Variants in AGO3 observed in about 807,000 individuals in gnomAD.
AGO3 encodes protein argonaute-3.
AGO3 carries 16 observed loss-of-function variants against 105.5 expected under a neutral mutation model. That is an observed-to-expected ratio of 0.15 (90% CI 0.10 to 0.23). The LOEUF (loss-of-function observed/expected upper bound fraction) is 0.23. AGO3 is among the 10% of genes least tolerant of loss of function. AGO3 has a pLI of 1.00. For synonymous variants in AGO3, 340 were observed against 367.3 expected, an observed-to-expected ratio of 0.93 and a Z score of 0.85; for missense variants, 534 against 1,088.0, an observed-to-expected ratio of 0.49 and a Z score of 7.16.
At chr1:36,030,039 C>A (rs929476025) in intron 12 of AGO3, among the ~76,000 whole-genome samples, 15 of 151,594 alleles carry the variant, frequency 9.9e-5, no homozygotes, top group Non-Finnish European at 2.9e-5. Flanking sequence ...AAAAGAAAAC[C>A]AATAGAGTGT....
intron 2 of AGO3, among the ~76,000 whole-genome samples, chr1:35,959,126 A>G (rs531052489): frequency 3.1e-4 from 47 of 152,308 alleles, no homozygotes; most frequent in African/African-American, 1.1e-3. Context: ...TTTTTACATT[A>G]AAGTTTCTCT....
At chr1:36,028,396 C>CG (rs1474755057) in intron 12 of AGO3, among the ~76,000 whole-genome samples, 5 of 104,016 alleles carry the variant, frequency 4.8e-5, no homozygotes, top group African/African-American at 1.8e-4. Context: ...ATCCCTCCCC[C>CG]CCCCCCACCC....
At chr1:35,931,885 A>G (rs922523890) in intron 1 of AGO3, among the ~76,000 whole-genome samples, 5 of 152,192 alleles carry the variant, frequency 3.3e-5, no homozygotes, top group African/African-American at 1.2e-4. Context: ...TTAAGTTCGA[A>G]GGAGGTGTTG....
Position 35,941,851 on chromosome 1 carries a change from C to T in AGO3, c.20-3841C>T, listed in dbSNP as rs572022319. On this transcript the variant is annotated intron_variant, in intron 1 of 18. Coordinates refer to ENST00000373191, the MANE Select transcript of AGO3 (RefSeq NM_024852.4). ...CTACCAGAAATACAAAAACTTAGCC[C>T]TGCATGGTGTAAAATAAAAGCACTT... 3.1e-4 allele frequency among the ~76,000 whole-genome samples: 47 copies of T among 152,282 alleles called. 1 individual carries two copies. The highest frequency in any genetic ancestry group is 5.4e-4 in the Non-Finnish European group (37 of 68,022).
At chr1:36,050,664 C>T (rs535220668) in intron 17 of AGO3, among the ~76,000 whole-genome samples, 16 of 147,508 alleles carry the variant, frequency 1.1e-4, no homozygotes, top group Non-Finnish European at 2.1e-4. Context: ...TGGTGGCGGG[C>T]GCCTATAATC....
chr1:35,937,247 C>T (rs961694740), intron 1 of AGO3, among the ~76,000 whole-genome samples: 1 of 152,026 alleles, frequency 6.6e-6, no homozygotes, highest in African/African-American at 2.4e-5. Flanking sequence ...ACTAAAAATA[C>T]AAAAAATTAG....
chr1:35,988,360 C>T (rs1447182973), intron 5 of AGO3, among the ~76,000 whole-genome samples: 1 of 152,060 alleles, frequency 6.6e-6, no homozygotes, highest in Non-Finnish European at 1.5e-5. Flanking sequence ...ATTATAGTCA[C>T]CATGCAGTAC....
chr1:35,993,569 C>A (rs1453232288), intron 5 of AGO3, among the ~76,000 whole-genome samples: 2 of 151,968 alleles, frequency 1.3e-5, no homozygotes, highest in Admixed American at 6.6e-5. Flanking sequence ...GAAAAAGAAG[C>A]CTGAATAGCC....
chr1:36,057,863 G>T lies in AGO3; in HGVS notation c.*2118G>T, dbSNP rs1437648419. ...GTGGTAGTGGGCACCTCTAATCCCAGCTACTCGGGAGGCTGAGGCAGGATT... is the reference window on the plus strand; with the variant it reads ...GTGGTAGTGGGCACCTCTAATCCCATCTACTCGGGAGGCTGAGGCAGGATT... On this transcript the variant is annotated 3_prime_UTR_variant, in exon 19 of 19. Transcript: ENST00000373191. 2.0e-5 allele frequency: 3 copies of T among 152,054 alleles called. No individual in the cohort carries two copies. The highest frequency in any genetic ancestry group is 4.4e-5 in the Non-Finnish European group (3 of 68,054). The allele number at this position is 152,054 out of a possible 1,614,324, so 9.4% of individuals were successfully genotyped here.
chr1:36,071,130 GCACA>G lies in AGO3; in HGVS notation c.*15386_*15389del, dbSNP rs1643158228. On this transcript the variant is annotated 3_prime_UTR_variant, in exon 19 of 19. Transcript: ENST00000373191. ...AGAGAACACTTCTGTTATACACAAT[GCACA>G]TACAAACATACACCCCTAAAGCGTA... 2 of 152,076 alleles carry G rather than the reference GCACA, an allele frequency of 1.3e-5. No individual in the cohort carries two copies. Among genetic ancestry groups the G allele is most frequent in the Admixed American group, 6.6e-5 (1 of 15,250 alleles). The allele number at this position is 152,076 out of a possible 1,614,324, so 9.4% of individuals were successfully genotyped here. A position where few individuals can be genotyped will look rare whatever the true frequency, so the allele number is the denominator to read the frequency against.
At chr1:36,005,824 C>T in intron 6 of AGO3, 1 of 985,096 alleles carries the variant, frequency 1.0e-6, no homozygotes, top group Non-Finnish European at 1.2e-6. Context: ...GAAAAAATGA[C>T]TAGAAAGCAT....
intron 2 of AGO3, among the ~76,000 whole-genome samples, chr1:35,955,171 T>C (rs1437209142): frequency 6.6e-6 from 1 of 152,166 alleles, no homozygotes; most frequent in Non-Finnish European, 1.5e-5. Context: ...TTTAAACAAA[T>C]GAAGAATATC....
At chr1:35,980,077 C>G (rs1647025105) in intron 5 of AGO3, among the ~76,000 whole-genome samples, 2 of 151,862 alleles carry the variant, frequency 1.3e-5, no homozygotes, top group African/African-American at 4.8e-5. Flanking sequence ...AAGATTTTTC[C>G]CCCCAGTGGT....
In AGO3 at chr1:36,058,472, T is replaced by C. The variant is rs895935679; in HGVS notation, c.*2727T>C. 1.3e-5 allele frequency: 2 copies of C among 151,882 alleles called. No individual in the cohort carries two copies. The highest frequency in any genetic ancestry group is 4.8e-5 in the African/African-American group (2 of 41,300). The allele number at this position is 151,882 out of a possible 1,614,324, so 9.4% of individuals were successfully genotyped here. A position where few individuals can be genotyped will look rare whatever the true frequency, so the allele number is the denominator to read the frequency against. On this transcript the variant is annotated 3_prime_UTR_variant, in exon 19 of 19. Transcript: ENST00000373191. ...TTTTTGCACTGGTTCAGAGTATAGA[T>C]ACTACAGATTGTTTCCAGTGGGCAT...
At chr1:35,948,964 A>T (rs952507558) in intron 2 of AGO3, among the ~76,000 whole-genome samples, 8 of 151,574 alleles carry the variant, frequency 5.3e-5, no homozygotes, top group African/African-American at 1.7e-4. Flanking sequence ...TTTTTTTGAG[A>T]TGGAGTTTTG....
At chr1:36,000,419 G>A (rs1271791099) in intron 5 of AGO3, among the ~76,000 whole-genome samples, 2 of 152,066 alleles carry the variant, frequency 1.3e-5, no homozygotes, top group African/African-American at 4.8e-5. Context: ...GAGTGTAGTG[G>A]AATAAACAGG....
chr1:36,013,527 ATATAT>A, intron 9 of AGO3, 98 bp from the exon 10 acceptor site: 1 of 1,450,322 alleles, frequency 6.9e-7, no homozygotes, highest in Non-Finnish European at 9.3e-7. Context: ...CTGTTGGAAA[ATATAT>A]TATGGACACA....
chr1:35,951,579 G>A (rs981819081), intron 2 of AGO3, among the ~76,000 whole-genome samples: 2 of 152,008 alleles, frequency 1.3e-5, no homozygotes, highest in African/African-American at 4.8e-5. Flanking sequence ...TGTAGAGACA[G>A]AGTTTAGCTA....
In AGO3 at chr1:36,062,924, TTTG is replaced by T. The variant is rs1390236775; in HGVS notation, c.*7182_*7184del. 2 of 152,212 alleles carry T rather than the reference TTTG, an allele frequency of 1.3e-5. No individual in the cohort carries two copies. The highest frequency in any genetic ancestry group is 2.9e-5 in the Non-Finnish European group (2 of 68,034). The allele number at this position is 152,212 out of a possible 1,614,324, so 9.4% of individuals were successfully genotyped here. A position where few individuals can be genotyped will look rare whatever the true frequency, so the allele number is the denominator to read the frequency against. On this transcript the variant is annotated 3_prime_UTR_variant, in exon 19 of 19. Transcript: ENST00000373191. Reference sequence around the variant, plus strand: ...TCTTAATAGCAATTATGAGTTTATTTTTGTTAAGATTAATTTTTCTATTGTGAT... The same window carrying T: ...TCTTAATAGCAATTATGAGTTTATTTTTAAGATTAATTTTTCTATTGTGAT...
Sources: allele counts gnomAD v4.1 joint callset (sites outside exome capture counted in the v4.1 genomes callset), GRCh38; gene constraint gnomAD v4.1.1; transcripts MANE v1.5; gene names NCBI Gene and HGNC (gene_info 2026-07-23, HGNC 2026-07-21).